BLTP3B: variants seen among roughly 807,000 people sequenced by gnomAD.
BLTP3B encodes the protein bridge-like lipid transfer protein family member 3B, also known as UHRF1 (ICBP90) binding protein 1-like.
At chr12:100,082,988 G>C in the BLTP3B span, 1 of 1,555,018 alleles carries the variant, frequency 6.4e-7, no homozygotes, top group Middle Eastern at 1.7e-4. Flanking sequence ...GTGTTTATGA[G>C]AAAACTTAAT....
chr12:100,108,236 G>T, the BLTP3B span: 1 of 838,022 alleles, frequency 1.2e-6, no homozygotes, highest in Non-Finnish European at 1.8e-6. Context: ...ACACATTTAT[G>T]CAAAGGTATC....
chr12:100,052,262 C>A, the BLTP3B span, among the ~76,000 whole-genome samples: 1 of 151,892 alleles, frequency 6.6e-6, no homozygotes, highest in Non-Finnish European at 1.5e-5. Flanking sequence ...AGGGTGGTCT[C>A]GAACTCCTGA....
chr12:100,140,896 C>G, the BLTP3B span, among the ~76,000 whole-genome samples: 1 of 150,898 alleles, frequency 6.6e-6, no homozygotes, highest in Non-Finnish European at 1.5e-5. Flanking sequence ...AAGAGCCCCT[C>G]TCAAATGGAG....
chr12:100,059,580 A>G, the BLTP3B span: 3,167 of 1,511,966 alleles, frequency 2.1e-3, 66 homozygotes, highest in African/African-American at 0.037. Context: ...AAATCCATAC[A>G]TCTTGAAGAT....
the BLTP3B span, among the ~76,000 whole-genome samples, chr12:100,117,329 T>A: frequency 2.5e-4 from 38 of 152,286 alleles, no homozygotes; most frequent in Non-Finnish European, 5.1e-4. Flanking sequence ...GTTGATAATA[T>A]GTACCCCTGA....
At chr12:100,072,835 C>T in the BLTP3B span, 1 of 1,578,096 alleles carries the variant, frequency 6.3e-7, no homozygotes, top group Non-Finnish European at 8.5e-7. Context: ...AATAAGTTTA[C>T]TGAAATCACA....
At chr12:100,048,965 G>T in the BLTP3B span, among the ~76,000 whole-genome samples, 758 of 152,076 alleles carry the variant, frequency 5.0e-3, 4 homozygotes, top group African/African-American at 0.017. Context: ...AACCCCTGAA[G>T]TAAATTACTT....
At chr12:100,037,627 C>T in the BLTP3B span, 2 of 1,606,340 alleles carry the variant, frequency 1.2e-6, no homozygotes, top group Non-Finnish European at 1.7e-6. Flanking sequence ...GTTTTGACTG[C>T]CACTCCTGCT....
At chr12:100,108,396 G>A in the BLTP3B span, 3 of 1,611,060 alleles carry the variant, frequency 1.9e-6, no homozygotes, top group African/African-American at 1.3e-5. Context: ...CCTAATGGAC[G>A]CTTTATTACA....
At chr12:100,061,656 C>CAAAAAA in the BLTP3B span, among the ~76,000 whole-genome samples, 9 of 67,266 alleles carry the variant, frequency 1.3e-4, no homozygotes, top group Non-Finnish European at 1.6e-4. Context: ...GACTCCGTCT[C>CAAAAAA]AAAAAAAAAA....
At chr12:100,040,693 A>G in the BLTP3B span, among the ~76,000 whole-genome samples, 2 of 152,102 alleles carry the variant, frequency 1.3e-5, no homozygotes, top group Admixed American at 1.3e-4. Context: ...CTCAAAAACA[A>G]CAACAACAAC....
chr12:100,057,811 C>A, the BLTP3B span: 1 of 1,442,798 alleles, frequency 6.9e-7, no homozygotes, highest in African/African-American at 1.5e-5. Flanking sequence ...AAAAATACTT[C>A]TAAGAGAATT....
the BLTP3B span, among the ~76,000 whole-genome samples, chr12:100,124,936 T>TTATATATATATATATATATATATA: frequency 1.1e-4 from 6 of 56,528 alleles, no homozygotes; most frequent in Non-Finnish European, 1.3e-4. Context: ...AAAAAAAATT[T>TTATATATATATATATATATATATA]TATATATATA....
chr12:100,091,183 A>ATTTTT, the BLTP3B span, among the ~76,000 whole-genome samples: 3 of 81,218 alleles, frequency 3.7e-5, no homozygotes, highest in East Asian at 4.4e-4. Context: ...CGCCTGGCTA[A>ATTTTT]TTTTTTTTTT....
the BLTP3B span, among the ~76,000 whole-genome samples, chr12:100,077,897 A>T: frequency 6.6e-6 from 1 of 152,180 alleles, no homozygotes; most frequent in African/African-American, 2.4e-5. Context: ...TTCACAGTAT[A>T]GCCAATACAG....
At chr12:100,070,215 C>T in the BLTP3B span, 1 of 1,537,690 alleles carries the variant, frequency 6.5e-7, no homozygotes, top group Middle Eastern at 1.7e-4. Flanking sequence ...CAAAACAAAA[C>T]AAAAAACCAC....
the BLTP3B span, among the ~76,000 whole-genome samples, chr12:100,136,023 C>G: frequency 0.023 from 3,428 of 152,066 alleles, 71 homozygotes; most frequent in Non-Finnish European, 0.034. Flanking sequence ...ACAGCCTGGC[C>G]AACATGGTGA....
the BLTP3B span, among the ~76,000 whole-genome samples, chr12:100,069,590 A>G: frequency 6.6e-6 from 1 of 152,172 alleles, no homozygotes; most frequent in South Asian, 2.1e-4. Context: ...TATTATTCTA[A>G]GTGAAGTAAC....
chr12:100,039,476 G>A, the BLTP3B span: 1 of 1,059,314 alleles, frequency 9.4e-7, no homozygotes, highest in Non-Finnish European at 1.3e-6. Flanking sequence ...AAGCACCTGG[G>A]CACAATAACA....
Sources: allele counts gnomAD v4.1 joint callset (sites outside exome capture counted in the v4.1 genomes callset), GRCh38; gene constraint gnomAD v4.1.1; transcripts MANE v1.5; gene names NCBI Gene and HGNC (gene_info 2026-07-23, HGNC 2026-07-21).